The following RABGEF1 variants were observed in gnomAD, a reference collection of about 807,000 sequenced individuals.
The protein encoded by RABGEF1 is RAB guanine nucleotide exchange factor 1.
Under a neutral mutation model 57.3 loss-of-function variants are expected in RABGEF1, and 26 were observed. That is an observed-to-expected ratio of 0.45 (90% CI 0.33 to 0.63). RABGEF1 has a LOEUF of 0.63. Ranked by LOEUF, RABGEF1 falls within the 20% of genes least tolerant of loss-of-function variation. RABGEF1 has a pLI of 0.02. For missense variants in RABGEF1, 464 were observed against 607.6 expected (o/e 0.76, Z 2.48); for synonymous variants, 185 against 210.7 (o/e 0.88, Z 1.06).
chr7:66,691,245 C>A (rs1247232246), intron 1 of RABGEF1, among the ~76,000 whole-genome samples: 3 of 152,128 alleles, frequency 2.0e-5, no homozygotes, highest in Non-Finnish European at 4.4e-5. Flanking sequence ...ACCTCCCATA[C>A]CGTACATAAT....
chr7:66,696,224 C>T (rs1320398912), intron 1 of RABGEF1, among the ~76,000 whole-genome samples: 1 of 151,980 alleles, frequency 6.6e-6, no homozygotes, highest in Non-Finnish European at 1.5e-5. Flanking sequence ...TAACACCATG[C>T]CTGGCTAATT....
At chr7:66,687,518 A>T (rs1790869035) in intron 1 of RABGEF1, among the ~76,000 whole-genome samples, 1 of 151,736 alleles carries the variant, frequency 6.6e-6, no homozygotes, top group African/African-American at 2.4e-5. Flanking sequence ...AAAGAAAAGA[A>T]GAAGAAGAAT....
chr7:66,757,460 C>A (rs950113479), intron 1 of RABGEF1, among the ~76,000 whole-genome samples: 1 of 152,168 alleles, frequency 6.6e-6, no homozygotes, highest in African/African-American at 2.4e-5. Context: ...ACACTAAGCT[C>A]CGCAATGACT....
At chr7:66,678,581 A>AG (rs1344619460), upstream of RABGEF1, among the ~76,000 whole-genome samples, 162 of 151,604 alleles carry the variant, frequency 1.1e-3, no homozygotes, top group African/African-American at 3.8e-3. Flanking sequence ...AAAAAAAAAA[A>AG]AAAGAAAAGG....
chr7:66,775,334 G>T lies in RABGEF1; in HGVS notation c.287G>T (p.Arg96Leu), dbSNP rs761200639. The T allele has an allele frequency of 7.4e-6, 12 of 1,613,926 alleles. No individual in the cohort carries two copies. Among genetic ancestry groups the T allele is most frequent in the South Asian group, 2.2e-5 (2 of 91,068 alleles). The change falls in exon 3 of 9, where the codon CGC (arginine) becomes CTC (leucine). Residue 96 changes from arginine to leucine, a missense_variant. By Grantham distance (102) the Arg-to-Leu change is moderately radical. Transcript: ENST00000284957. ...FEEKKTNEKT[R>L]KVTTVKKFFS... is the part of the protein sequence containing the mutation. Reference sequence around the variant, plus strand: ...GAAAAGAAAACCAACGAGAAGACCCGCAAGGTTACCACAGTGAAGAAATTC... The same window carrying T: ...GAAAAGAAAACCAACGAGAAGACCCTCAAGGTTACCACAGTGAAGAAATTC...
chr7:66,676,822 C>G, the RABGEF1 span, among the ~76,000 whole-genome samples: 6 of 152,318 alleles, frequency 3.9e-5, no homozygotes, highest in African/African-American at 1.2e-4. Flanking sequence ...GGCTTCAAGC[C>G]TAGCTCCCAC....
intron 4 of RABGEF1, among the ~76,000 whole-genome samples, chr7:66,795,255 C>T (rs1050706971): frequency 2.6e-5 from 4 of 152,138 alleles, no homozygotes; most frequent in East Asian, 1.9e-4. Context: ...AAACCGCCTG[C>T]GAGCCTAAAT....
chr7:66,690,505 A>G (rs1464862228), intron 1 of RABGEF1, among the ~76,000 whole-genome samples: 2 of 150,894 alleles, frequency 1.3e-5, no homozygotes, highest in East Asian at 4.0e-4. Flanking sequence ...ACTTGAGCTC[A>G]AGAGTTCAAG....
At chr7:66,798,433 G>C (rs558236357) in intron 6 of RABGEF1, among the ~76,000 whole-genome samples, 13 of 152,322 alleles carry the variant, frequency 8.5e-5, no homozygotes, top group African/African-American at 2.9e-4. Flanking sequence ...AAGTTTCATA[G>C]CTGAAGTGAG....
At chr7:66,691,103 A>C (rs552389920) in intron 1 of RABGEF1, among the ~76,000 whole-genome samples, 1 of 152,194 alleles carries the variant, frequency 6.6e-6, no homozygotes, top group Admixed American at 6.5e-5. Flanking sequence ...AAAAACAAAA[A>C]GAAAATGACA....
intron 2 of RABGEF1, among the ~76,000 whole-genome samples, chr7:66,729,313 C>T (rs559506441): frequency 3.2e-4 from 49 of 151,750 alleles, no homozygotes; most frequent in African/African-American, 8.7e-4. Context: ...CTCCATTCTT[C>T]GTTCCTCATC....
intron 1 of RABGEF1, among the ~76,000 whole-genome samples, chr7:66,754,730 A>G (rs575131378): frequency 6.6e-6 from 1 of 152,366 alleles, no homozygotes; most frequent in Admixed American, 6.5e-5. Context: ...ACAAATCTGA[A>G]TAAATACATT....
intron 3 of RABGEF1, among the ~76,000 whole-genome samples, chr7:66,775,603 T>G (rs1583994109): frequency 6.6e-6 from 1 of 152,218 alleles, no homozygotes; most frequent in East Asian, 1.9e-4. Flanking sequence ...GAAATTTGTT[T>G]ATAGGAGGAA....
the RABGEF1 span, among the ~76,000 whole-genome samples, chr7:66,664,882 T>C: frequency 6.6e-6 from 1 of 152,238 alleles, no homozygotes; most frequent in Non-Finnish European, 1.5e-5. Flanking sequence ...AGCATGTGTT[T>C]AGTGTCAACT....
At chr7:66,655,413 A>G in the RABGEF1 span, among the ~76,000 whole-genome samples, 5 of 151,930 alleles carry the variant, frequency 3.3e-5, no homozygotes, top group Admixed American at 6.6e-5. Flanking sequence ...GCGCCCGTGG[A>G]CTCGTTTTGC....
At position 66,706,442 on chromosome 7, in the gene RABGEF1, G is replaced by A. The variant is rs112468433; in HGVS notation, c.-872-5725G>A. On this transcript the variant is annotated intron_variant and NMD_transcript_variant, in intron 1 of 9. Coordinates refer to the RABGEF1 transcript ENST00000607882. ...CTATTTTGTTTTTAGACGGAGTCTC[G>A]CTCCGTCCCCAGGCTGGAGTGCAGT... Among the ~76,000 whole-genome samples, 432 of 152,028 alleles carry A rather than the reference G, an allele frequency of 2.8e-3. 1 individual carries two copies. The highest frequency in any genetic ancestry group is 1.0e-2 in the African/African-American group (413 of 41,478).
intron 1 of RABGEF1, among the ~76,000 whole-genome samples, chr7:66,762,601 GAAA>G (rs1017627412): frequency 6.7e-6 from 1 of 149,954 alleles, no homozygotes; most frequent in African/African-American, 2.5e-5. Context: ...GAAAAGAAAA[GAAA>G]AAAAGAAAAA....
intron 1 of RABGEF1, among the ~76,000 whole-genome samples, chr7:66,692,278 A>T (rs1209949825): frequency 6.6e-6 from 1 of 152,154 alleles, no homozygotes; most frequent in Non-Finnish European, 1.5e-5. Flanking sequence ...TCTGCTGCTC[A>T]TTAGCGGACC....
At chr7:66,706,416 A>C (rs552398541) in intron 1 of RABGEF1, among the ~76,000 whole-genome samples, 1 of 151,912 alleles carries the variant, frequency 6.6e-6, no homozygotes, top group East Asian at 2.0e-4. Flanking sequence ...AAGTGGCTGT[A>C]CTATTTTGTT....
Sources: gnomAD v4.1 joint callset for allele counts (sites outside exome capture counted in the v4.1 genomes callset) on GRCh38, gnomAD v4.1.1 for gene constraint, MANE v1.5 for transcripts, NCBI Gene and HGNC (gene_info 2026-07-23, HGNC 2026-07-21) for gene names.